The following ARHGEF10L variants were observed in gnomAD, a reference collection of about 807,000 sequenced individuals.
The protein encoded by ARHGEF10L is rho guanine nucleotide exchange factor 10-like protein.
Under a neutral mutation model 141.2 loss-of-function variants are expected in ARHGEF10L, and 69 were observed. That is an observed-to-expected ratio of 0.49 (90% CI 0.40 to 0.60). The LOEUF is 0.60. Among genes scored for constraint, ARHGEF10L ranks in the 20% least tolerant of loss-of-function variants. The probability of loss-of-function intolerance (pLI) is 0.00; values close to 1 mark genes in which losing one functional copy is unlikely to be tolerated. For missense variants in ARHGEF10L, 1,482 were observed against 1,734.3 expected (o/e 0.85, Z 2.58); for synonymous variants, 711 against 718.5 (o/e 0.99, Z 0.17).
intron 27 of ARHGEF10L, among the ~76,000 whole-genome samples, chr1:17,688,160 G>A (rs2064776698): frequency 6.6e-6 from 1 of 152,236 alleles, no homozygotes; most frequent in Admixed American, 6.5e-5. Context: ...AAGCCAACGG[G>A]TGGTCTCTGT....
intron 26 of ARHGEF10L, among the ~76,000 whole-genome samples, chr1:17,674,190 C>T (rs1049701956): frequency 1.3e-5 from 2 of 152,056 alleles, no homozygotes; most frequent in African/African-American, 4.8e-5. Flanking sequence ...CCCCTTTTTT[C>T]CCACGCCAGC....
intron 27 of ARHGEF10L, among the ~76,000 whole-genome samples, chr1:17,693,206 C>T (rs557320256): frequency 4.6e-5 from 7 of 152,206 alleles, no homozygotes; most frequent in Non-Finnish European, 8.8e-5. Context: ...TTCCAGTGCT[C>T]GGAAGCCACA....
At position 17,619,313 on chromosome 1, in the gene ARHGEF10L, T is replaced by C; in HGVS notation, c.836-26T>C. 6.2e-7 allele frequency: 1 copy of C among 1,605,920 alleles called. No homozygotes were observed. Among genetic ancestry groups the C allele is most frequent in the Non-Finnish European group, 8.5e-7 (1 of 1,174,164 alleles). ...GGGTGTGCTGTCCCTGCCTTAGCTG[T>C]GTCATCGGCCCATCTGACTTTCCAG... is the stretch of plus-strand genomic sequence containing the variant. On this transcript the variant is annotated intron_variant, in intron 9 of 28. Coordinates refer to ENST00000361221, the MANE Select transcript of ARHGEF10L (RefSeq NM_018125.4). The surrounding 1 kb of genome is among the most constrained non-coding windows in gnomAD (Gnocchi z 5.0).
In ARHGEF10L at chr1:17,627,245, G is replaced by A; in HGVS notation, c.1411-85G>A. 1 of 1,524,704 alleles carries A rather than the reference G, an allele frequency of 6.6e-7. No homozygotes were observed. The highest frequency in any genetic ancestry group is 8.9e-7 in the Non-Finnish European group (1 of 1,117,654). The allele number at this position is 1,524,704 out of a possible 1,614,324, so 94.4% of individuals were successfully genotyped here. A position where few individuals can be genotyped will look rare whatever the true frequency, so the allele number is the denominator to read the frequency against. ...CCCTTTGCAGACCCAGTGTGTGTAGGGGGTTGCGCAGGGTGAGGCTTTGCC... is the reference window on the plus strand; with the variant it reads ...CCCTTTGCAGACCCAGTGTGTGTAGAGGGTTGCGCAGGGTGAGGCTTTGCC... On this transcript the variant is annotated intron_variant, in intron 14 of 28. Transcript: ENST00000361221. The surrounding 1 kb of genome is among the most constrained non-coding windows in gnomAD (Gnocchi z 4.0).
chr1:17,530,290 C>A, the ARHGEF10L span, among the ~76,000 whole-genome samples: 1 of 152,150 alleles, frequency 6.6e-6, no homozygotes. Flanking sequence ...GGTTCTGGAA[C>A]CAGAGAGAAG....
chr1:17,614,148 G>A (rs1185641745), intron 8 of ARHGEF10L, among the ~76,000 whole-genome samples: 1 of 152,232 alleles, frequency 6.6e-6, no homozygotes, highest in Non-Finnish European at 1.5e-5. Flanking sequence ...CAGTGTGCCA[G>A]AGCTCAAACG....
intron 22 of ARHGEF10L, 120 bp downstream of exon 22, chr1:17,648,795 C>A: frequency 7.4e-7 from 1 of 1,352,522 alleles, no homozygotes; most frequent in Non-Finnish European, 9.8e-7. Flanking sequence ...CCAGCTGTGG[C>A]TTCTAAATTC....
chr1:17,597,116 A>C (rs550314700), intron 4 of ARHGEF10L, among the ~76,000 whole-genome samples: 116 of 152,198 alleles, frequency 7.6e-4, no homozygotes, highest in African/African-American at 2.4e-3. Context: ...CTGCTTCTGC[A>C]TCTGCTTCTG....
upstream of ARHGEF10L, among the ~76,000 whole-genome samples, chr1:17,537,712 A>T (rs2076595391): frequency 6.6e-6 from 1 of 152,034 alleles, no homozygotes; most frequent in Admixed American, 6.6e-5. Context: ...TCAGGATCAG[A>T]TGGGAAATAA....
the ARHGEF10L span, among the ~76,000 whole-genome samples, chr1:17,514,458 C>A: frequency 6.0e-3 from 908 of 152,202 alleles, 11 homozygotes; most frequent in African/African-American, 0.02. Flanking sequence ...ATTTCTGAGG[C>A]AGAGAATGTG....
At chr1:17,605,452 C>G (rs1318679422) in intron 6 of ARHGEF10L, among the ~76,000 whole-genome samples, 2 of 152,136 alleles carry the variant, frequency 1.3e-5, no homozygotes, top group East Asian at 1.9e-4. Flanking sequence ...TGAGGGGACC[C>G]TTATGTGGTC....
intron 9 of ARHGEF10L, among the ~76,000 whole-genome samples, chr1:17,617,996 GC>G (rs1370426732): frequency 6.6e-6 from 1 of 152,176 alleles, no homozygotes; most frequent in Non-Finnish European, 1.5e-5. Context: ...CATGGGTTGA[GC>G]CCCACCCGTG....
At chr1:17,664,908 T>A (rs2062873388) in intron 26 of ARHGEF10L, among the ~76,000 whole-genome samples, 1 of 152,208 alleles carries the variant, frequency 6.6e-6, no homozygotes, top group African/African-American at 2.4e-5. Context: ...TACCCAGGAC[T>A]TGTACCCACA....
intron 16 of ARHGEF10L, among the ~76,000 whole-genome samples, chr1:17,633,976 C>T (rs1467958081): frequency 1.3e-5 from 2 of 152,210 alleles, no homozygotes; most frequent in Non-Finnish European, 2.9e-5. Flanking sequence ...AGACCTGGCT[C>T]TGTGCCAGTT....
intron 4 of ARHGEF10L, among the ~76,000 whole-genome samples, chr1:17,590,666 G>A (rs1281231679): frequency 6.6e-6 from 1 of 152,146 alleles, no homozygotes; most frequent in Non-Finnish European, 1.5e-5. Flanking sequence ...AGGAGGGTCT[G>A]TGTTCCATGG....
At chr1:17,580,724 C>T (rs1394729677) in intron 2 of ARHGEF10L, 92 bp downstream of exon 2, 20 of 1,510,674 alleles carry the variant, frequency 1.3e-5, no homozygotes, top group Admixed American at 1.8e-5. Flanking sequence ...AGCAGCATGG[C>T]GCCGGGTGGG....
chr1:17,516,878 T>C, the ARHGEF10L span, among the ~76,000 whole-genome samples: 3,468 of 152,244 alleles, frequency 0.023, 134 homozygotes, highest in African/African-American at 0.078. Flanking sequence ...CAAGCCTCCA[T>C]ATAAGGACCA....
intron 27 of ARHGEF10L, among the ~76,000 whole-genome samples, chr1:17,690,820 G>T (rs922911196): frequency 6.6e-6 from 1 of 152,204 alleles, no homozygotes; most frequent in Non-Finnish European, 1.5e-5. Flanking sequence ...ACCAGAGCGT[G>T]GGGGGCAGCT....
intron 10 of ARHGEF10L, among the ~76,000 whole-genome samples, chr1:17,620,903 G>A (rs1432281082): frequency 6.6e-6 from 1 of 152,202 alleles, no homozygotes; most frequent in African/African-American, 2.4e-5. Context: ...TCAGAGGACG[G>A]TAGAACTTCA....
Sources: gnomAD v4.1 joint callset for allele counts (sites outside exome capture counted in the v4.1 genomes callset) on GRCh38, gnomAD v4.1.1 for gene constraint, Gnocchi (gnomAD v3.1) non-coding constraint, MANE v1.5 for transcripts, NCBI Gene and HGNC (gene_info 2026-07-23, HGNC 2026-07-21) for gene names.